Variants in FHL5 observed in about 807,000 individuals in gnomAD.
The protein encoded by FHL5 is four and a half LIM domains protein 5.
Under a neutral mutation model 32.0 loss-of-function variants are expected in FHL5, and 33 were observed. The observed-to-expected ratio is 1.03, with a 90% confidence interval of 0.78 to 1.38. The LOEUF is 1.38. Among genes scored for constraint, FHL5 ranks in the 40% most tolerant of loss-of-function variants. FHL5 has a pLI of 0.00. For missense variants in FHL5, 336 were observed against 343.9 expected (o/e 0.98, Z 0.18); for synonymous variants, 114 against 113.6 (o/e 1.00, Z -0.02).
In FHL5 at chr6:96,610,752, A is replaced by G; in HGVS notation, c.685A>G (p.Ile229Val). Residue 229 changes from isoleucine to valine, a missense_variant, in exon 5 of 6, where the codon ATT becomes GTT. By Grantham distance (29) the Ile-to-Val change is conservative. Coordinates refer to ENST00000450218, the MANE Select transcript of FHL5 (RefSeq NM_001322466.2). ...CAAGTGTGTAGCCTGTTCCAAACCC[A>G]TTAGTGGTGAGTTCTTCAGTTCAAT... is the stretch of plus-strand genomic sequence containing the variant. ...ANKCVACSKP[I>V]SGLTGAKFIC... The G allele has an allele frequency of 6.2e-7, 1 of 1,609,346 alleles. No individual in the cohort carries two copies.
intron 1 of FHL5, among the ~76,000 whole-genome samples, chr6:96,586,399 G>A (rs1333431283): frequency 6.6e-6 from 1 of 152,150 alleles, no homozygotes; most frequent in Non-Finnish European, 1.5e-5. Flanking sequence ...GTTATAACAT[G>A]TCTGAAAAGG....
chr6:96,598,847 G>T (rs1311415796), intron 1 of FHL5, among the ~76,000 whole-genome samples: 1 of 152,078 alleles, frequency 6.6e-6, no homozygotes, highest in Non-Finnish European at 1.5e-5. Context: ...TTTACAACTT[G>T]TAGCAAATTA....
chr6:96,601,419 G>A (rs1771146644), intron 1 of FHL5, among the ~76,000 whole-genome samples: 1 of 152,200 alleles, frequency 6.6e-6, no homozygotes, highest in Non-Finnish European at 1.5e-5. Flanking sequence ...ATGTAATTAG[G>A]ACTGGGGTGG....
chr6:96,566,015 T>C (rs1272208257), intron 1 of FHL5, among the ~76,000 whole-genome samples: 1 of 152,074 alleles, frequency 6.6e-6, no homozygotes, highest in Non-Finnish European at 1.5e-5. Flanking sequence ...ACATTTACAA[T>C]CCACTCTTCT....
Position 96,606,002 on chromosome 6 carries a change from A to C in FHL5, c.435A>C (p.Lys145Asn), listed in dbSNP as rs768822036. 6.2e-7 allele frequency: 1 copy of C among 1,614,150 alleles called. No individual in the cohort carries two copies. Among genetic ancestry groups the C allele is most frequent in the South Asian group, 1.1e-5 (1 of 91,078 alleles). Reference sequence around the variant, plus strand: ...TAGGGACAAAGCCTTTGATCTCCAAAGAGAGTGGCAATTATTGTGTGCCAT... The same window carrying C: ...TAGGGACAAAGCCTTTGATCTCCAACGAGAGTGGCAATTATTGTGTGCCAT... ...QPIGTKPLISKESGNYCVPCF... is the reference protein window; with the variant it reads ...QPIGTKPLISNESGNYCVPCF... Residue 145 changes from lysine (K) to asparagine (N), a missense_variant, in exon 4 of 6, where the codon AAA becomes AAC. Physicochemically the swap from Lys to Asn is moderately conservative, Grantham distance 94. Transcript: ENST00000450218.
At chr6:96,589,941 G>A (rs372673730) in intron 1 of FHL5, among the ~76,000 whole-genome samples, 2 of 151,886 alleles carry the variant, frequency 1.3e-5, no homozygotes, top group South Asian at 2.1e-4. Flanking sequence ...CCTATTCTTC[G>A]TTATTCCTCA....
At chr6:96,597,995 C>G (rs891478392) in intron 1 of FHL5, among the ~76,000 whole-genome samples, 1 of 152,164 alleles carries the variant, frequency 6.6e-6, no homozygotes, top group African/African-American at 2.4e-5. Context: ...GATCCACATA[C>G]AGTAGTTGAC....
chr6:96,577,096 G>T (rs540686179), intron 1 of FHL5, among the ~76,000 whole-genome samples: 1 of 151,866 alleles, frequency 6.6e-6, no homozygotes, highest in South Asian at 2.1e-4. Context: ...TTTCTGAGAG[G>T]GAAAACAGAT....
At chr6:96,614,446 A>T (rs1771475233) in intron 5 of FHL5, among the ~76,000 whole-genome samples, 3 of 152,326 alleles carry the variant, frequency 2.0e-5, no homozygotes, top group African/African-American at 7.2e-5. Flanking sequence ...AATTTTCTGT[A>T]TGAACTACTA....
chr6:96,606,079 T>C lies in FHL5; in HGVS notation c.504+8T>C. On this transcript the variant is annotated splice_region_variant and intron_variant, in intron 4 of 5. Coordinates refer to ENST00000450218, the MANE Select transcript of FHL5 (RefSeq NM_001322466.2). ...TGCAACTTTTGTAAGAAGGTAATTT[T>C]CTAAAGAGGGTGAAGCTTGTGGAAA... is the stretch of plus-strand genomic sequence containing the variant. The C allele has an allele frequency of 1.2e-6, 2 of 1,612,286 alleles. No individual in the cohort carries two copies. The highest frequency in any genetic ancestry group is 1.7e-6 in the Non-Finnish European group (2 of 1,178,518).
intron 4 of FHL5, among the ~76,000 whole-genome samples, 173 bp downstream of exon 4, chr6:96,606,244 C>CTT (rs921104480): frequency 6.9e-6 from 1 of 145,786 alleles, no homozygotes; most frequent in Non-Finnish European, 1.5e-5. Flanking sequence ...GCATGACCAT[C>CTT]TTTTTTTTTT....
At chr6:96,583,168 A>G (rs1448859535) in intron 1 of FHL5, among the ~76,000 whole-genome samples, 1 of 152,176 alleles carries the variant, frequency 6.6e-6, no homozygotes, top group Non-Finnish European at 1.5e-5. Flanking sequence ...GCAAAAAACA[A>G]ATAAGGAAGT....
intron 2 of FHL5, 47 bp from the exon 3 acceptor site, chr6:96,604,703 G>T: frequency 6.6e-7 from 1 of 1,505,862 alleles, no homozygotes; most frequent in Non-Finnish European, 9.1e-7. Flanking sequence ...AAAATGGCCT[G>T]TATTGTCACA....
At chr6:96,582,086 G>C (rs1262782926) in intron 1 of FHL5, among the ~76,000 whole-genome samples, 1 of 152,252 alleles carries the variant, frequency 6.6e-6, no homozygotes, top group East Asian at 1.9e-4. Flanking sequence ...CCTTTGAGGA[G>C]ACCCTGAGGC....
chr6:96,580,475 CATA>C (rs1308786922), intron 1 of FHL5, among the ~76,000 whole-genome samples: 2 of 152,112 alleles, frequency 1.3e-5, no homozygotes, highest in Admixed American at 6.6e-5. Flanking sequence ...TTAAACATAT[CATA>C]ATAATACAAC....
intron 1 of FHL5, among the ~76,000 whole-genome samples, chr6:96,594,235 A>C (rs1175296798): frequency 2.7e-5 from 1 of 36,982 alleles, no homozygotes; most frequent in Non-Finnish European, 7.1e-5. Flanking sequence ...ATTTATATAT[A>C]TATATATATA....
chr6:96,602,426 C>CTTTCTTTTTTTTTTTTTTTTTTTTTT (rs1771169538), intron 1 of FHL5, among the ~76,000 whole-genome samples: 1 of 33,684 alleles, frequency 3.0e-5, no homozygotes, highest in Admixed American at 4.2e-4. Flanking sequence ...TGCGTTGTTT[C>CTTTCTTTTTTTTTTTTTTTTTTTTTT]TTTTTTTTTT....
At chr6:96,599,626 G>C (rs560869114) in intron 1 of FHL5, among the ~76,000 whole-genome samples, 26 of 152,260 alleles carry the variant, frequency 1.7e-4, no homozygotes, top group African/African-American at 6.0e-4. Context: ...TATGTTCTTT[G>C]ATATATCAGT....
intron 1 of FHL5, among the ~76,000 whole-genome samples, chr6:96,580,147 T>C (rs754776147): frequency 4.6e-5 from 7 of 152,208 alleles, no homozygotes; most frequent in Non-Finnish European, 8.8e-5. Context: ...GTAGTTACTA[T>C]GGAATCATAA....
Sources: allele counts gnomAD v4.1 joint callset (sites outside exome capture counted in the v4.1 genomes callset), GRCh38; gene constraint gnomAD v4.1.1; transcripts MANE v1.5; gene names NCBI Gene and HGNC (gene_info 2026-07-23, HGNC 2026-07-21).